Variants in SNRPN observed in about 807,000 individuals in gnomAD.
The protein encoded by SNRPN is small nuclear ribonucleoprotein-associated protein N.
In SNRPN, 7 loss-of-function variants were observed where a neutral mutation model predicts 25.2. The observed-to-expected ratio is 0.28, with a 90% CI of 0.16 to 0.52. The LOEUF (loss-of-function observed/expected upper bound fraction) is 0.52. Among genes scored for constraint, SNRPN ranks in the 20% least tolerant of loss-of-function variants. The pLI, the probability that SNRPN is intolerant of heterozygous loss-of-function variation, is 0.96. For synonymous variants in SNRPN, 124 were observed against 110.6 expected (o/e 1.12, Z -0.76); for missense variants, 196 against 322.5 (o/e 0.61, Z 3.00).
At chr15:24,841,826 T>G (rs2143326928) in intron 2 of SNRPN, among the ~76,000 whole-genome samples, 1 of 152,266 alleles carries the variant, frequency 6.6e-6, no homozygotes, top group East Asian at 1.9e-4. Context: ...CAAGGACCTC[T>G]CTCTAGTTTC....
At chr15:24,886,845 T>A (rs2057241446) in intron 2 of SNRPN, among the ~76,000 whole-genome samples, 1 of 152,188 alleles carries the variant, frequency 6.6e-6, no homozygotes, top group African/African-American at 2.4e-5. Flanking sequence ...ATTATTTCCA[T>A]TTTCCAAAAC....
chr15:24,928,964 T>C (rs1227273215), intron 3 of SNRPN, among the ~76,000 whole-genome samples: 1 of 152,042 alleles, frequency 6.6e-6, no homozygotes, highest in Non-Finnish European at 1.5e-5. Context: ...CATTCCAAGC[T>C]CATGTTGTAT....
At chr15:24,877,996 G>A (rs1045667849) in intron 1 of SNRPN, among the ~76,000 whole-genome samples, 2 of 152,178 alleles carry the variant, frequency 1.3e-5, no homozygotes, top group African/African-American at 4.8e-5. Flanking sequence ...AAACATGCAT[G>A]TACACGATTG....
chr15:24,866,361 T>C (rs2054572100), intron 1 of SNRPN, among the ~76,000 whole-genome samples: 1 of 152,140 alleles, frequency 6.6e-6, no homozygotes, highest in Admixed American at 6.6e-5. Flanking sequence ...CTCACATAGT[T>C]ATCATTTTTG....
chr15:24,931,989 A>G (rs2060903547), intron 3 of SNRPN, among the ~76,000 whole-genome samples: 1 of 151,886 alleles, frequency 6.6e-6, no homozygotes, highest in Admixed American at 6.6e-5. Context: ...TCCATGTAAA[A>G]CCTACCTGGG....
chr15:24,891,155 C>T (rs1337281462), intron 2 of SNRPN, among the ~76,000 whole-genome samples: 2 of 152,046 alleles, frequency 1.3e-5, no homozygotes, highest in African/African-American at 2.4e-5. Context: ...AAGTGATCTG[C>T]CCGCCTTCGC....
intron 1 of SNRPN, among the ~76,000 whole-genome samples, chr15:24,961,718 A>G (rs2074854266): frequency 6.6e-6 from 1 of 152,126 alleles, no homozygotes; most frequent in African/African-American, 2.4e-5. Context: ...CTGTATCCTA[A>G]AAATATTTTT....
At chr15:24,836,238 G>T (rs2051171085) in intron 2 of SNRPN, among the ~76,000 whole-genome samples, 1 of 151,920 alleles carries the variant, frequency 6.6e-6, no homozygotes, top group Non-Finnish European at 1.5e-5. Context: ...CCACCTTAAT[G>T]ACCTCATTTA....
chr15:24,923,725 C>T (rs1222851617), intron 3 of SNRPN, among the ~76,000 whole-genome samples: 2 of 151,856 alleles, frequency 1.3e-5, no homozygotes, highest in Non-Finnish European at 2.9e-5. Flanking sequence ...CTTGTCTGAG[C>T]CCATCTCTGT....
chr15:24,976,805 G>T, intron 6 of SNRPN, 72 bp from the exon 7 acceptor site: 1 of 1,359,712 alleles, frequency 7.4e-7, no homozygotes. Flanking sequence ...GGAGAGAAGT[G>T]ATCTCTGATG....
chr15:24,877,747 G>C (rs1329094331), intron 1 of SNRPN, among the ~76,000 whole-genome samples: 1 of 152,192 alleles, frequency 6.6e-6, no homozygotes, highest in African/African-American at 2.4e-5. Context: ...AGCTACTCGG[G>C]AGGTTGGGGC....
upstream of SNRPN, among the ~76,000 whole-genome samples, chr15:24,852,685 G>T (rs1040397955): frequency 1.3e-5 from 2 of 152,204 alleles, no homozygotes; most frequent in Non-Finnish European, 2.9e-5. Flanking sequence ...GGGAGGTGAA[G>T]GTGGGCAGAT....
intron 2 of SNRPN, among the ~76,000 whole-genome samples, chr15:24,833,751 G>A (rs567671790): frequency 2.6e-5 from 4 of 151,952 alleles, no homozygotes; most frequent in East Asian, 3.9e-4. Context: ...GCAGAGCTAC[G>A]CAGGAAGAGA....
rs762396703 is a variant in SNRPN at position 24,976,974 on chromosome 15, A to C, written c.365A>C (p.Gln122Pro). The stretch of plus-strand genomic sequence containing the variant: ...GTACCAGCTGGTGTGCCAATTCCCC[A>C]GGCCCCTGCTGGATTGGCAGGCCCT... ...RGVPAGVPIPQAPAGLAGPVR... is the reference protein window; with the variant it reads ...RGVPAGVPIPPAPAGLAGPVR... Residue 122 changes from glutamine to proline, a missense_variant, in exon 7 of 10, where the codon CAG becomes CCG. Gln to Pro is a moderately conservative substitution (Grantham distance 76). Transcript: ENST00000390687. 1 of 1,605,198 alleles carries C rather than the reference A, an allele frequency of 6.2e-7. No homozygotes were observed.
intron 2 of SNRPN, among the ~76,000 whole-genome samples, chr15:24,831,968 CA>C (rs11365135): frequency 0.21 from 32,564 of 151,622 alleles, 3,874 homozygotes; most frequent in African/African-American, 0.31. Context: ...ACCGGATAGT[CA>C]ATGAAATCTC....
rs559429063 is a variant in SNRPN, at chr15:24,947,814, G to C, written c.-390-14300G>C. On this transcript the variant is annotated intron_variant, in intron 3 of 11. Transcript: ENST00000400097. ...TTGTCTGAAACTAAGGAAAAAGAAA[G>C]TAATTTATATCAGTTAAAAGACCTC... Among the ~76,000 whole-genome samples, 12 of 152,258 alleles carry C rather than the reference G, an allele frequency of 7.9e-5. No individual in the cohort carries two copies. The East Asian group carries it at 2.3e-3, about 29-fold the overall frequency.
At chr15:24,853,767 G>A (rs963369318), upstream of SNRPN, among the ~76,000 whole-genome samples, 5 of 152,142 alleles carry the variant, frequency 3.3e-5, no homozygotes, top group African/African-American at 1.2e-4. Flanking sequence ...CATACTAATA[G>A]CATGTCATAT....
chr15:24,872,111 G>GTT lies in SNRPN; in HGVS notation c.-578-14400_-578-14399dup, dbSNP rs150738968. ...ATCTATTTTTGCTTCTGTTACTTGT[G>GTT]TTTTTTGTGTTATATCTTAGAAACC... On this transcript the variant is annotated intron_variant, in intron 1 of 11. Coordinates refer to the SNRPN transcript ENST00000400097. 1.7e-5 allele frequency among the ~76,000 whole-genome samples: 2 copies of GTT among 120,612 alleles called. 1 individual carries two copies. The highest frequency in any genetic ancestry group is 5.7e-5 in the African/African-American group (2 of 35,156). The allele number at this position is 120,612 out of a possible 152,430, so 79.1% of individuals were successfully genotyped here. A position where few individuals can be genotyped will look rare whatever the true frequency, so the allele number is the denominator to read the frequency against.
At chr15:24,901,197 A>G (rs2058429052) in intron 2 of SNRPN, among the ~76,000 whole-genome samples, 1 of 152,168 alleles carries the variant, frequency 6.6e-6, no homozygotes, top group African/African-American at 2.4e-5. Context: ...TAGGTAGAGG[A>G]AGAGGGCTCA....
Sources: allele counts gnomAD v4.1 joint callset (sites outside exome capture counted in the v4.1 genomes callset), GRCh38; gene constraint gnomAD v4.1.1; transcripts MANE v1.5; gene names NCBI Gene and HGNC (gene_info 2026-07-23, HGNC 2026-07-21).